The following THBS4 variants were observed in gnomAD, a reference collection of about 807,000 sequenced individuals.
The protein encoded by THBS4 is thrombospondin 4.
THBS4 carries 90 observed loss-of-function variants against 115.7 expected under a neutral mutation model. The observed-to-expected ratio is 0.78, with a 90% confidence interval of 0.66 to 0.93. The LOEUF is 0.93. Among genes scored for constraint, THBS4 ranks in the 40% least tolerant of loss-of-function variants. THBS4 has a pLI of 0.00. For synonymous variants in THBS4, 460 were observed against 479.3 expected, an observed-to-expected ratio of 0.96 and a Z score of 0.53; for missense variants, 1,087 against 1,232.7, an observed-to-expected ratio of 0.88 and a Z score of 1.77.
intron 2 of THBS4, among the ~76,000 whole-genome samples, chr5:80,003,700 T>C (rs1831957090): frequency 1.3e-5 from 2 of 152,210 alleles, no homozygotes; most frequent in Non-Finnish European, 2.9e-5. Context: ...CTACTCCCCT[T>C]TGGGGACAGA....
intron 2 of THBS4, among the ~76,000 whole-genome samples, chr5:80,004,435 C>T (rs918170143): frequency 1.1e-4 from 17 of 152,088 alleles, no homozygotes; most frequent in African/African-American, 3.9e-4. Context: ...ATCTGGGTCC[C>T]GCAGACTCAG....
At chr5:80,063,702 AAG>A (rs1833716526) in intron 8 of THBS4, among the ~76,000 whole-genome samples, 1 of 152,254 alleles carries the variant, frequency 6.6e-6, no homozygotes, top group African/African-American at 2.4e-5. Flanking sequence ...CAAAATCTCT[AAG>A]AACAAACCAA....
At chr5:80,056,131 G>A (rs927112026) in intron 3 of THBS4, 99 bp downstream of exon 3, 69 of 1,396,626 alleles carry the variant, frequency 4.9e-5, no homozygotes, top group Middle Eastern at 3.9e-4. Context: ...GCAGGTCAGT[G>A]GGTCTAATGC....
At chr5:80,076,766 A>G (rs78670594) in intron 15 of THBS4, 89 bp from the exon 16 acceptor site, 1 of 1,308,544 alleles carries the variant, frequency 7.6e-7, no homozygotes, top group Non-Finnish European at 1.0e-6. Flanking sequence ...TTTAAAAAAA[A>G]CCTCAAGCAC....
chr5:80,058,874 A>G, intron 5 of THBS4, 84 bp downstream of exon 5: 3 of 1,370,336 alleles, frequency 2.2e-6, no homozygotes, highest in Non-Finnish European at 3.0e-6. Flanking sequence ...AGGCCTGCCC[A>G]GGCACGGGGG....
intron 2 of THBS4, among the ~76,000 whole-genome samples, chr5:80,008,430 T>A (rs1832058862): frequency 1.3e-5 from 2 of 152,148 alleles, no homozygotes; most frequent in Non-Finnish European, 2.9e-5. Context: ...TTAATTTTGT[T>A]TTGAGATGGA....
chr5:79,996,783 G>A (rs1328619636), intron 1 of THBS4, among the ~76,000 whole-genome samples: 1 of 152,198 alleles, frequency 6.6e-6, no homozygotes, highest in African/African-American at 2.4e-5. Context: ...CTGAATTTAT[G>A]TTGAGGAAAT....
chr5:80,002,926 A>G (rs1831932941), intron 2 of THBS4, among the ~76,000 whole-genome samples: 1 of 151,872 alleles, frequency 6.6e-6, no homozygotes, highest in Non-Finnish European at 1.5e-5. Flanking sequence ...ATCATTTGAA[A>G]AAAAAAAAAA....
intron 2 of THBS4, among the ~76,000 whole-genome samples, chr5:80,023,341 T>G (rs1250558876): frequency 6.6e-6 from 1 of 152,184 alleles, no homozygotes; most frequent in Non-Finnish European, 1.5e-5. Context: ...TCCACCTGAG[T>G]TTGGAGCTCA....
At chr5:80,002,809 C>G (rs1480364748) in intron 2 of THBS4, among the ~76,000 whole-genome samples, 5 of 145,002 alleles carry the variant, frequency 3.4e-5, no homozygotes, top group Non-Finnish European at 7.6e-5. Flanking sequence ...TACACAGAAT[C>G]AGAAAAAGAC....
At chr5:80,024,864 C>T (rs150883680) in intron 2 of THBS4, among the ~76,000 whole-genome samples, 16 of 152,336 alleles carry the variant, frequency 1.1e-4, no homozygotes, top group Non-Finnish European at 2.2e-4. Context: ...TAGACATTCA[C>T]TCTCCCTAAG....
chr5:80,037,951 A>G (rs149630433), intron 1 of THBS4, among the ~76,000 whole-genome samples: 1 of 152,324 alleles, frequency 6.6e-6, no homozygotes, highest in Non-Finnish European at 1.5e-5. Context: ...CTGCTTTCCA[A>G]CACATCTCAT....
chr5:80,065,316 T>G (rs966548144), intron 8 of THBS4, 93 bp from the exon 9 acceptor site: 18 of 1,179,840 alleles, frequency 1.5e-5, no homozygotes, highest in Non-Finnish European at 2.2e-5. Flanking sequence ...GCATCTTCAC[T>G]TCACACAAAG....
rs1379730490 is a variant in THBS4 at position 80,065,407 on chromosome 5, A to G, written c.1126-2A>G. 6.2e-7 allele frequency: 1 copy of G among 1,609,624 alleles called. No individual in the cohort carries two copies. Among genetic ancestry groups the G allele is most frequent in the Non-Finnish European group, 8.5e-7 (1 of 1,178,246 alleles). The stretch of plus-strand genomic sequence containing the variant: ...AACTTTCTTTGAACTTTTCTGCACT[A>G]GGTCTGCACTGACATTGATGAGTGT... On this transcript the variant is annotated splice_acceptor_variant, in intron 8 of 21. Coordinates refer to ENST00000350881, the MANE Select transcript of THBS4 (RefSeq NM_003248.6). LOFTEE classifies it high-confidence loss of function.
intron 2 of THBS4, among the ~76,000 whole-genome samples, chr5:80,004,588 A>C (rs932068864): frequency 1.3e-5 from 2 of 152,220 alleles, no homozygotes; most frequent in African/African-American, 4.8e-5. Context: ...GTGTTTATCC[A>C]CTAGAGCAAA....
intron 1 of THBS4, chr5:79,998,322 C>CCT (rs1280499973): frequency 4.6e-5 from 7 of 152,650 alleles, no homozygotes; most frequent in African/African-American, 1.7e-4. Context: ...CTCTCTTCCT[C>CCT]CTGCTCCAGC....
intron 19 of THBS4, 48 bp downstream of exon 19, chr5:80,079,306 A>T: frequency 1.3e-6 from 2 of 1,519,086 alleles, no homozygotes; most frequent in Non-Finnish European, 1.8e-6. Flanking sequence ...TGGACCTCTC[A>T]TCTTTTTTCA....
chr5:80,003,770 T>A (rs1466708766), intron 2 of THBS4, among the ~76,000 whole-genome samples: 1 of 152,368 alleles, frequency 6.6e-6, no homozygotes, highest in African/African-American at 2.4e-5. Context: ...CCCCTTCTTA[T>A]GTTACTGTAT....
chr5:80,082,294 A>G (rs2112180969), intron 20 of THBS4, 112 bp from the exon 21 acceptor site: 1 of 1,434,226 alleles, frequency 7.0e-7, no homozygotes, highest in East Asian at 2.3e-5. Flanking sequence ...AGCCTAAAAC[A>G]GAGCAAAGAA....
Sources: gnomAD v4.1 joint callset for allele counts (sites outside exome capture counted in the v4.1 genomes callset) on GRCh38, gnomAD v4.1.1 for gene constraint, MANE v1.5 for transcripts, NCBI Gene and HGNC (gene_info 2026-07-23, HGNC 2026-07-21) for gene names.